The following RGS3 variants were observed in gnomAD, a reference collection of about 807,000 sequenced individuals.
RGS3 encodes the protein regulator of G-protein signalling 3.
Under a neutral mutation model 132.6 loss-of-function variants are expected in RGS3, and 80 were observed. The observed-to-expected ratio is 0.60, with a 90% confidence interval of 0.50 to 0.73. The LOEUF is 0.73. RGS3 is among the 30% of genes least tolerant of loss of function. The probability of loss-of-function intolerance (pLI) is 0.00; values close to 1 mark genes in which losing one functional copy is unlikely to be tolerated. For missense variants in RGS3, 1,382 were observed against 1,530.8 expected, an observed-to-expected ratio of 0.90 and a Z score of 1.62; for synonymous variants, 598 against 620.6, an observed-to-expected ratio of 0.96 and a Z score of 0.54.
At chr9:113,513,009 C>G (rs1831473363) in intron 14 of RGS3, among the ~76,000 whole-genome samples, 1 of 152,146 alleles carries the variant, frequency 6.6e-6, no homozygotes, top group Non-Finnish European at 1.5e-5. Flanking sequence ...CCAGCCTGAC[C>G]AACATGGAGA....
intron 14 of RGS3, among the ~76,000 whole-genome samples, chr9:113,512,499 GA>G (rs1426174105): frequency 1.3e-5 from 2 of 152,096 alleles, no homozygotes; most frequent in East Asian, 3.9e-4. Context: ...GGCACGGGGG[GA>G]GTCAACTTGT....
chr9:113,514,057 G>A (rs1390694583), intron 14 of RGS3, among the ~76,000 whole-genome samples: 1 of 152,112 alleles, frequency 6.6e-6, no homozygotes, highest in African/African-American at 2.4e-5. Context: ...GTTCCACGTG[G>A]GACTGTGGGC....
chr9:113,566,991 G>A (rs1235162214), intron 19 of RGS3, among the ~76,000 whole-genome samples: 1 of 152,204 alleles, frequency 6.6e-6, no homozygotes, highest in African/African-American at 2.4e-5. Flanking sequence ...TCAGGGAGCC[G>A]AGTTCCACAA....
Position 113,506,290 on chromosome 9 carries a change from T to G in RGS3, c.980-98T>G. ...GAAGAAACTTAGAGAAAAAGGGAGGTCCTTGTCTGAGGTCACCATGGCAGC... is the reference window on the plus strand; with the variant it reads ...GAAGAAACTTAGAGAAAAAGGGAGGGCCTTGTCTGAGGTCACCATGGCAGC... On this transcript the variant is annotated intron_variant, in intron 11 of 24. Coordinates refer to ENST00000350696, the Ensembl canonical transcript of RGS3. The surrounding 1 kb of genome is among the most constrained non-coding windows in gnomAD (Gnocchi z 4.7). 1.4e-6 allele frequency: 1 copy of G among 692,362 alleles called. No individual in the cohort carries two copies. The highest frequency in any genetic ancestry group is 2.8e-5 in the East Asian group (1 of 35,258). The allele number at this position is 692,362 out of a possible 1,614,324, so 42.9% of individuals were successfully genotyped here.
intron 10 of RGS3, among the ~76,000 whole-genome samples, chr9:113,501,101 T>G (rs971049424): frequency 4.6e-5 from 7 of 152,172 alleles, no homozygotes; most frequent in Non-Finnish European, 1.0e-4. Context: ...CCCCAAGGTA[T>G]CCTTGGATTC....
chr9:113,597,278 T>G (rs1034874890), exon 25 of RGS3: 3 of 207,066 alleles, frequency 1.4e-5, no homozygotes, highest in Non-Finnish European at 2.9e-5. Context: ...CCAAGTTCCT[T>G]AAAGAACTGG....
At chr9:113,543,602 A>T (rs147258320) in intron 19 of RGS3, among the ~76,000 whole-genome samples, 1 of 152,304 alleles carries the variant, frequency 6.6e-6, no homozygotes, top group Non-Finnish European at 1.5e-5. Flanking sequence ...TCCCTTACAA[A>T]ATGACATTAA....
chr9:113,475,230 T>C (rs945093694), intron 3 of RGS3, among the ~76,000 whole-genome samples: 5 of 152,116 alleles, frequency 3.3e-5, no homozygotes, highest in African/African-American at 9.7e-5. Context: ...GCACATAGTG[T>C]TGGTGCCCAA....
chr9:113,583,630 C>A, exon 20 of RGS3: 3 of 1,614,174 alleles, frequency 1.9e-6, no homozygotes, highest in African/African-American at 2.7e-5. Flanking sequence ...CAGCCAAGAA[C>A]CACTGTCCAG....
Position 113,507,658 on chromosome 9 carries a change from G to A in RGS3, c.1437+20G>A, listed in dbSNP as rs1831196986. Reference sequence around the variant, plus strand: ...AGCCAGGTACGGACAGCTGGTGTGGGGAAGGTGAAGGGTACTGGGTCCCTG... The same window carrying A: ...AGCCAGGTACGGACAGCTGGTGTGGAGAAGGTGAAGGGTACTGGGTCCCTG... On this transcript the variant is annotated intron_variant, in intron 13 of 24. Coordinates refer to ENST00000350696, the Ensembl canonical transcript of RGS3. This position sits in a 1 kb window ranked among gnomAD's most constrained non-coding sequence, Gnocchi z 5.0. The A allele has an allele frequency of 2.1e-6, 3 of 1,444,352 alleles. No individual in the cohort carries two copies. The highest frequency in any genetic ancestry group is 3.0e-5 in the South Asian group (2 of 66,966). The allele number at this position is 1,444,352 out of a possible 1,614,324, so 89.5% of individuals were successfully genotyped here.
rs533473667 is a variant in RGS3 at position 113,497,052 on chromosome 9, G to T, written c.751-262G>T. ...TCAAAGAGCCTGTGCACAACTTAGT[G>T]GGGGAGACAGGCAAGTAGATGGTTG... On this transcript the variant is annotated intron_variant, in intron 8 of 24. Transcript: ENST00000350696. Among the ~76,000 whole-genome samples the T allele has an allele frequency of 4.6e-5, 7 of 152,320 alleles. No homozygotes were observed. The South Asian group carries it at 1.5e-3, about 32-fold the overall frequency.
At chr9:113,486,164 G>A (rs1830326083) in intron 7 of RGS3, among the ~76,000 whole-genome samples, 1 of 152,210 alleles carries the variant, frequency 6.6e-6, no homozygotes, top group Non-Finnish European at 1.5e-5. Flanking sequence ...AGAAAAGAAT[G>A]ACATGAGTAA....
chr9:113,541,359 C>A, intron 19 of RGS3: 1 of 1,613,826 alleles, frequency 6.2e-7, no homozygotes, highest in Non-Finnish European at 8.5e-7. Flanking sequence ...GGAGATGGGG[C>A]CGGTCAACTC....
intron 19 of RGS3, among the ~76,000 whole-genome samples, chr9:113,550,800 G>C (rs1349092453): frequency 1.3e-5 from 2 of 152,006 alleles, no homozygotes; most frequent in Admixed American, 6.6e-5. Context: ...CAAGTCTTTT[G>C]CTCATTTTTC....
chr9:113,563,228 G>A (rs1564573602), intron 19 of RGS3, among the ~76,000 whole-genome samples: 1 of 152,182 alleles, frequency 6.6e-6, no homozygotes, highest in South Asian at 2.1e-4. Flanking sequence ...GCGTAATTTT[G>A]GAGTCATTAG....
In RGS3 at chr9:113,595,780, C is replaced by A. The variant is rs1835743326; in HGVS notation, c.3411+15C>A. 1 of 1,610,510 alleles carries A rather than the reference C, an allele frequency of 6.2e-7. No individual in the cohort carries two copies. The highest frequency in any genetic ancestry group is 1.7e-5 in the Admixed American group (1 of 59,944). ...CATGCAAGGAGGTAGGACCTCAGGG[C>A]AGACCCTCCGCTCCTCCAATCCCCA... On this transcript the variant is annotated intron_variant, in intron 24 of 24. Transcript: ENST00000350696.
chr9:113,583,391 T>C (rs755568313), intron 19 of RGS3, 59 bp from the exon 18 acceptor site: 8 of 1,578,114 alleles, frequency 5.1e-6, no homozygotes, highest in Middle Eastern at 1.7e-4. Flanking sequence ...TCATGCATGG[T>C]GTCTGGCATC....
At chr9:113,582,057 C>T in intron 19 of RGS3, 1 of 985,494 alleles carries the variant, frequency 1.0e-6, no homozygotes, top group Non-Finnish European at 1.2e-6. Flanking sequence ...CATCCGCTCA[C>T]ATCTGTGCTC....
At chr9:113,575,793 A>G (rs919098143) in intron 19 of RGS3, among the ~76,000 whole-genome samples, 8 of 152,204 alleles carry the variant, frequency 5.3e-5, no homozygotes, top group African/African-American at 1.9e-4. Flanking sequence ...AGTAGGTCTT[A>G]GATTGGGTCC....
Sources: allele counts gnomAD v4.1 joint callset (sites outside exome capture counted in the v4.1 genomes callset), GRCh38; gene constraint gnomAD v4.1.1; non-coding constraint Gnocchi (gnomAD v3.1); transcripts MANE v1.5; gene names NCBI Gene and HGNC (gene_info 2026-07-23, HGNC 2026-07-21).